The following OPN3 variants were observed in gnomAD, a reference collection of about 807,000 sequenced individuals.
OPN3 encodes opsin-3.
Under a neutral mutation model 33.8 loss-of-function variants are expected in OPN3, and 29 were observed. The ratio of observed to expected loss-of-function variants is 0.86; its 90% CI spans 0.64 to 1.17. The LOEUF (loss-of-function observed/expected upper bound fraction) is 1.17, where lower values mean the gene tolerates loss of function less well. OPN3 is among the 50% of genes most tolerant of loss of function. The probability of loss-of-function intolerance (pLI) is 0.00; values close to 1 mark genes in which losing one functional copy is unlikely to be tolerated. For synonymous variants in OPN3, 216 were observed against 216.1 expected (o/e 1.00, Z 0.00); for missense variants, 437 against 514.1 (o/e 0.85, Z 1.45).
At chr1:241,639,809 C>A in intron 1 of OPN3, 73 bp downstream of exon 1, 1 of 1,320,372 alleles carries the variant, frequency 7.6e-7, no homozygotes, top group Non-Finnish European at 9.8e-7. Flanking sequence ...GGGGGGCGGA[C>A]GCACGGAGCG....
chr1:241,608,939 G>A (rs1223096287), intron 1 of OPN3, among the ~76,000 whole-genome samples: 1 of 152,166 alleles, frequency 6.6e-6, no homozygotes, highest in Non-Finnish European at 1.5e-5. Context: ...TGCAAAATAT[G>A]CAGCCCTTCT....
In OPN3 at chr1:241,597,933, A is replaced by G. The variant is rs1165539809; in HGVS notation, c.758T>C (p.Leu253Pro). The G allele has an allele frequency of 3.7e-6, 6 of 1,613,946 alleles. No homozygotes were observed. The highest frequency in any genetic ancestry group is 5.1e-6 in the Non-Finnish European group (6 of 1,179,972). ...VIKILKYEKKLAKMCFLMIFT... is the reference protein window; with the variant it reads ...VIKILKYEKKPAKMCFLMIFT... The stretch of plus-strand genomic sequence containing the variant: ...TATCATTAAAAAGCACATTTTGGCC[A>G]GTTTCTTTTCATATTTTAAAATCTT... Residue 253 changes from leucine to proline, a missense_variant, in exon 3 of 4, where the codon CTG becomes CCG. Physicochemically the swap from Leu to Pro is moderately conservative, Grantham distance 98. Transcript: ENST00000366554.
At chr1:241,636,105 T>C (rs1664887822) in intron 1 of OPN3, 1 of 435,350 alleles carries the variant, frequency 2.3e-6, no homozygotes, top group East Asian at 3.4e-5. Context: ...AAGAATACAT[T>C]GTAAACAATA....
chr1:241,598,913 A>G (rs948333775), intron 2 of OPN3, among the ~76,000 whole-genome samples: 8 of 152,198 alleles, frequency 5.3e-5, no homozygotes, highest in African/African-American at 1.7e-4. Context: ...TATAGTTAAT[A>G]CTTAGTATTG....
At position 241,604,388 on chromosome 1, in the gene OPN3, T is replaced by A. The variant is rs1347655961; in HGVS notation, c.565A>T (p.Thr189Ser). 1 of 1,614,150 alleles carries A rather than the reference T, an allele frequency of 6.2e-7. No individual in the cohort carries two copies. The highest frequency in any genetic ancestry group is 1.7e-5 in the Admixed American group (1 of 60,020). ...GCATCCTTGGATTTCCAGTCCACAG[T>A]GCAGCCTAGTCCGTGTACGTCCAGG... ...YILDVHGLGC[T>S]VDWKSKDAND... The change falls in exon 2 of 4, where the codon ACT becomes TCT. Residue 189 changes from threonine to serine, a missense_variant. Coordinates refer to ENST00000366554, the MANE Select transcript of OPN3 (RefSeq NM_014322.3).
chr1:241,625,088 A>G (rs1282375301), intron 1 of OPN3, among the ~76,000 whole-genome samples: 1 of 152,228 alleles, frequency 6.6e-6, no homozygotes, highest in East Asian at 1.9e-4. Context: ...CTCAATAAAT[A>G]TTACATTGTA....
chr1:241,599,116 T>C (rs648587), intron 2 of OPN3, among the ~76,000 whole-genome samples: 21,454 of 151,996 alleles, frequency 0.14, 2,345 homozygotes, highest in African/African-American at 0.27. Context: ...TAAGAAATTA[T>C]ATTCTTATCA....
At chr1:241,602,615 C>T (rs886792470) in intron 2 of OPN3, among the ~76,000 whole-genome samples, 3 of 151,836 alleles carry the variant, frequency 2.0e-5, no homozygotes, top group Non-Finnish European at 2.9e-5. Context: ...TTTATGCACT[C>T]GTGGGAAGAC....
intron 1 of OPN3, chr1:241,634,177 GAAT>G: frequency 6.2e-7 from 1 of 1,613,942 alleles, no homozygotes; most frequent in Non-Finnish European, 8.5e-7. Context: ...TATACGGAGT[GAAT>G]AATTTCTTCA....
chr1:241,614,172 T>C (rs1664064896), intron 1 of OPN3: 1 of 151,306 alleles, frequency 6.6e-6, no homozygotes, highest in South Asian at 2.1e-4. Context: ...CGTCTCAAAA[T>C]TAAAAAAAAA....
chr1:241,635,852 T>C, intron 1 of OPN3: 1 of 1,352,250 alleles, frequency 7.4e-7, no homozygotes, highest in East Asian at 2.3e-5. Context: ...CCTTCTGATG[T>C]TCCAGTTATC....
At chr1:241,620,238 T>C (rs1664239271) in intron 1 of OPN3, among the ~76,000 whole-genome samples, 2 of 110,600 alleles carry the variant, frequency 1.8e-5, no homozygotes, top group Admixed American at 2.0e-4. Context: ...TCAGTAGAAA[T>C]ATAATGTGAG....
rs768179806 is a variant in OPN3 at position 241,633,999 on chromosome 1, C to T, written c.373+5883G>A. The T allele has an allele frequency of 1.9e-6, 3 of 1,613,810 alleles. No individual in the cohort carries two copies. The African/African-American group carries it at 4.0e-5, about 22-fold the overall frequency. On this transcript the variant is annotated intron_variant, in intron 1 of 3. Coordinates refer to ENST00000366554, the MANE Select transcript of OPN3 (RefSeq NM_014322.3). ...TGGAAAAGTGTTTCAGCTTGCTTGA[C>T]AGCATGCTCATTTCCCAGGCCACAG...
At chr1:241,634,433 G>A (rs1326688365) in intron 1 of OPN3, 2 of 1,613,608 alleles carry the variant, frequency 1.2e-6, no homozygotes, top group Non-Finnish European at 1.7e-6. Context: ...ATTTGAGCAT[G>A]TTTCCTCAGA....
intron 1 of OPN3, among the ~76,000 whole-genome samples, chr1:241,614,478 T>C (rs1372512805): frequency 2.6e-5 from 4 of 152,190 alleles, no homozygotes; most frequent in Admixed American, 2.0e-4. Flanking sequence ...TTTTAAAAAA[T>C]AGGGTACACG....
chr1:241,615,349 T>C (rs1283632366), intron 1 of OPN3, among the ~76,000 whole-genome samples: 2 of 152,160 alleles, frequency 1.3e-5, no homozygotes, highest in Non-Finnish European at 2.9e-5. Context: ...ACGCTTTGTT[T>C]CCAACACTTA....
intron 2 of OPN3, among the ~76,000 whole-genome samples, chr1:241,601,718 C>T (rs754861060): frequency 5.3e-5 from 8 of 151,682 alleles, no homozygotes; most frequent in Non-Finnish European, 1.0e-4. Context: ...AAAAACAAAA[C>T]AAAACAAAAC....
Position 241,636,641 on chromosome 1 carries a change from T to C in OPN3, c.373+3241A>G, listed in dbSNP as rs988745543. ...AAAAGGATTAATTCAGTAAAACAAC[T>C]GGCCATTTAAAAATATTTAGGCTCA... On this transcript the variant is annotated intron_variant, in intron 1 of 3. Coordinates refer to ENST00000366554, the MANE Select transcript of OPN3 (RefSeq NM_014322.3). 5.9e-5 allele frequency among the ~76,000 whole-genome samples: 9 copies of C among 152,142 alleles called. No individual in the cohort carries two copies. In the East Asian group the frequency reaches 1.7e-3, roughly 29 times the overall value.
At chr1:241,610,245 C>T (rs1663954713) in intron 1 of OPN3, among the ~76,000 whole-genome samples, 2 of 152,188 alleles carry the variant, frequency 1.3e-5, no homozygotes, top group African/African-American at 2.4e-5. Flanking sequence ...TTCCTTCTGC[C>T]TGAATTGCTG....
Sources: gnomAD v4.1 joint callset for allele counts (sites outside exome capture counted in the v4.1 genomes callset) on GRCh38, gnomAD v4.1.1 for gene constraint, MANE v1.5 for transcripts, NCBI Gene and HGNC (gene_info 2026-07-23, HGNC 2026-07-21) for gene names.